The following EIF3L variants were observed in gnomAD, a reference collection of about 807,000 sequenced individuals.
EIF3L encodes eukaryotic translation initiation factor 3 subunit L, also known as eIEF associated protein HSPC021.
In EIF3L, 32 loss-of-function variants were observed where a neutral mutation model predicts 74.6. The ratio of observed to expected loss-of-function variants is 0.43; its 90% CI spans 0.32 to 0.58. The LOEUF is 0.58. Ranked by LOEUF, EIF3L falls within the 20% of genes least tolerant of loss-of-function variation. The probability of loss-of-function intolerance (pLI) is 0.06; values close to 1 mark genes in which losing one functional copy is unlikely to be tolerated. For missense variants in EIF3L, 474 were observed against 707.8 expected (o/e 0.67, Z 3.75); for synonymous variants, 256 against 254.4 (o/e 1.01, Z -0.06).
chr22:37,859,007 A>G (rs1925695849), intron 5 of EIF3L, among the ~76,000 whole-genome samples: 1 of 151,818 alleles, frequency 6.6e-6, no homozygotes, highest in East Asian at 1.9e-4. Context: ...CACTGGTTAT[A>G]GGCTGCCAGC....
intron 4 of EIF3L, 61 bp from the exon 5 acceptor site, chr22:37,858,618 A>G: frequency 1.3e-6 from 2 of 1,489,420 alleles, no homozygotes. Context: ...CCAAAGAGCT[A>G]AAGCTGCCAG....
At chr22:37,849,645 C>G in intron 1 of EIF3L, 163 bp downstream of exon 1, 3 of 765,446 alleles carry the variant, frequency 3.9e-6, no homozygotes, top group Non-Finnish European at 6.4e-6. Flanking sequence ...CTAGACAACC[C>G]TGGCTCTGCC....
chr22:37,867,675 A>T (rs1926223827), intron 7 of EIF3L, among the ~76,000 whole-genome samples: 1 of 129,668 alleles, frequency 7.7e-6, no homozygotes, highest in Admixed American at 7.6e-5. Context: ...AAAAAAAAAA[A>T]TCAGCGCGGT....
At chr22:37,869,054 C>T (rs560817577) in intron 7 of EIF3L, among the ~76,000 whole-genome samples, 4 of 152,066 alleles carry the variant, frequency 2.6e-5, no homozygotes, top group East Asian at 3.9e-4. Context: ...GGATTATAGG[C>T]GTGAGCCACC....
intron 11 of EIF3L, chr22:37,886,551 G>A (rs139963997): frequency 0.017 from 5,035 of 299,908 alleles, 81 homozygotes; most frequent in South Asian, 0.026. Context: ...CCTGGGCGAC[G>A]AGCAAAACTC....
At chr22:37,853,823 TAG>T (rs1925356929) in intron 3 of EIF3L, among the ~76,000 whole-genome samples, 1 of 152,222 alleles carries the variant, frequency 6.6e-6, no homozygotes, top group African/African-American at 2.4e-5. Flanking sequence ...TTAGATTTTA[TAG>T]AGTTTATGAC....
Position 37,877,972 on chromosome 22 carries a change from C to T in EIF3L, c.1376C>T (p.Thr459Ile). ...GTACAGCAGCAGGCCCAGCTTTCAA[C>T]CATCCGCAGCTTCCTGAAGCTCTAC... is the stretch of plus-strand genomic sequence containing the variant. ...DEVQQQAQLS[T>I]IRSFLKLYTT... is the part of the protein sequence containing the mutation. The change falls in exon 11 of 13, where the codon ACC becomes ATC. Residue 459 changes from threonine (T) to isoleucine (I), a missense_variant. Physicochemically the swap from Thr to Ile is moderately conservative, Grantham distance 89. This residue lies in a region of EIF3L where 293 missense variants were observed against 469.1 expected (regional missense o/e 0.62). Coordinates refer to ENST00000652021, the MANE Select transcript of EIF3L (RefSeq NM_016091.4). 1 of 1,612,622 alleles carries T rather than the reference C, an allele frequency of 6.2e-7. No homozygotes were observed. The highest frequency in any genetic ancestry group is 1.7e-5 in the Admixed American group (1 of 59,992).
At chr22:37,871,872 GAAA>G (rs34538530) in intron 8 of EIF3L, among the ~76,000 whole-genome samples, 7 of 119,862 alleles carry the variant, frequency 5.8e-5, no homozygotes, top group East Asian at 2.7e-4. Context: ...CTGTCTCGGG[GAAA>G]AAAAAAAAAA....
intron 5 of EIF3L, among the ~76,000 whole-genome samples, chr22:37,859,630 C>G (rs1179445766): frequency 2.0e-5 from 3 of 151,562 alleles, no homozygotes; most frequent in Admixed American, 2.0e-4. Flanking sequence ...GTTCCGCCCG[C>G]CTTGGCCTCC....
Position 37,859,374 on chromosome 22 carries a change from C to CTTTTTTTTTTTTTTTTT in EIF3L, c.435+639_435+655dup, listed in dbSNP as rs34020382. Among the ~76,000 whole-genome samples the CTTTTTTTTTTTTTTTTT allele has an allele frequency of 1.5e-4, 12 of 79,146 alleles. 2 individuals are homozygous for CTTTTTTTTTTTTTTTTT. The highest frequency in any genetic ancestry group is 3.5e-4 in the Admixed American group (2 of 5,720). The allele number at this position is 79,146 out of a possible 152,430, so 51.9% of individuals were successfully genotyped here. On this transcript the variant is annotated intron_variant, in intron 5 of 12. Transcript: ENST00000652021. ...CTAAATTATAGAGTACGTGAAGTTT[C>CTTTTTTTTTTTTTTTTT]TTTTTTTTTTTTTTTTTTTTTGAGA...
rs763139597 is a variant in EIF3L at position 37,886,728 on chromosome 22, C to T, written c.1576-37C>T. ...TGGGTTAGATGGCCCTGCTCCTCCA[C>T]CTGGCTGCTCTTCCCTGACTGTGCT... On this transcript the variant is annotated intron_variant, in intron 11 of 12. Transcript: ENST00000652021. 37 of 1,592,296 alleles carry T rather than the reference C, an allele frequency of 2.3e-5. No homozygotes were observed. The Admixed American group carries it at 5.6e-4, about 24-fold the overall frequency.
In EIF3L at chr22:37,858,816, A is replaced by G. The variant is rs1055960971; in HGVS notation, c.435+76A>G. ...TGTGCTGTTTTTGTCCCTAGAACAC[A>G]GTCATTTGTTTATATTGGTTCAGTG... On this transcript the variant is annotated intron_variant, in intron 5 of 12. Coordinates refer to ENST00000652021, the MANE Select transcript of EIF3L (RefSeq NM_016091.4). 3.8e-6 allele frequency: 5 copies of G among 1,324,796 alleles called. No homozygotes were observed. In the South Asian group the frequency reaches 3.9e-5, roughly 10 times the overall value. 82.1% of individuals were successfully genotyped at this position (1,324,796 alleles called of 1,614,324 possible).
At chr22:37,867,505 A>G (rs1486015717) in intron 7 of EIF3L, among the ~76,000 whole-genome samples, 1 of 151,868 alleles carries the variant, frequency 6.6e-6, no homozygotes, top group African/African-American at 2.4e-5. Flanking sequence ...CTAAAAATAC[A>G]AAAATTACCC....
chr22:37,886,754 T>G lies in EIF3L; in HGVS notation c.1576-11T>G. On this transcript the variant is annotated splice_polypyrimidine_tract_variant and intron_variant, in intron 11 of 12. Coordinates refer to ENST00000652021, the MANE Select transcript of EIF3L (RefSeq NM_016091.4). ...CTGGCTGCTCTTCCCTGACTGTGCT[T>G]TCCCCCACAGGACATGATCCACATC... The G allele has an allele frequency of 6.2e-7, 1 of 1,604,726 alleles. No individual in the cohort carries two copies. Among genetic ancestry groups the G allele is most frequent in the Non-Finnish European group, 8.5e-7 (1 of 1,173,898 alleles).
At chr22:37,858,771 TG>T in intron 5 of EIF3L, 31 bp downstream of exon 5, 1 of 1,575,974 alleles carries the variant, frequency 6.3e-7, no homozygotes. Flanking sequence ...GTTTTTTTTT[TG>T]TTTTTGTTTT....
intron 5 of EIF3L, among the ~76,000 whole-genome samples, chr22:37,859,674 G>A (rs1035988822): frequency 1.3e-5 from 2 of 150,304 alleles, no homozygotes; most frequent in African/African-American, 4.9e-5. Flanking sequence ...GAGCCACCAC[G>A]CCCGGCCTAG....
At chr22:37,870,554 C>T (rs1926415568) in intron 8 of EIF3L, among the ~76,000 whole-genome samples, 1 of 152,152 alleles carries the variant, frequency 6.6e-6, no homozygotes, top group Non-Finnish European at 1.5e-5. Context: ...GGCCAACAGA[C>T]TGAACCAGCA....
intron 7 of EIF3L, among the ~76,000 whole-genome samples, chr22:37,865,334 C>T (rs1926091840): frequency 6.6e-6 from 1 of 151,868 alleles, no homozygotes; most frequent in Admixed American, 6.6e-5. Context: ...GTGGTGTGCG[C>T]TTGTAATCCT....
chr22:37,853,588 A>G (rs1925343101), intron 3 of EIF3L, among the ~76,000 whole-genome samples: 1 of 152,178 alleles, frequency 6.6e-6, no homozygotes, highest in Admixed American at 6.5e-5. Flanking sequence ...TGAGCTGCAC[A>G]ATGGAGCGAG....
Sources: allele counts gnomAD v4.1 joint callset (sites outside exome capture counted in the v4.1 genomes callset), GRCh38; gene constraint gnomAD v4.1.1; regional missense constraint gnomAD v4.1.1; transcripts MANE v1.5; gene names NCBI Gene and HGNC (gene_info 2026-07-23, HGNC 2026-07-21).